The following MAEA variants were observed in gnomAD, a reference collection of about 807,000 sequenced individuals.
MAEA encodes the protein E3 ubiquitin-protein transferase MAEA.
Under a neutral mutation model 46.2 loss-of-function variants are expected in MAEA, and 22 were observed. That is an observed-to-expected ratio of 0.48 (90% CI 0.34 to 0.68). The LOEUF (loss-of-function observed/expected upper bound fraction) is 0.68, where lower values mean the gene tolerates loss of function less well. Among genes scored for constraint, MAEA ranks in the 30% least tolerant of loss-of-function variants. The probability of loss-of-function intolerance (pLI) is 0.01; values close to 1 mark genes in which losing one functional copy is unlikely to be tolerated. For synonymous variants in MAEA, 246 were observed against 222.6 expected (o/e 1.11, Z -0.94); for missense variants, 393 against 558.1 (o/e 0.70, Z 2.98).
chr4:1,316,061 G>A (rs1737123151), intron 3 of MAEA, among the ~76,000 whole-genome samples: 2 of 152,030 alleles, frequency 1.3e-5, no homozygotes, highest in Admixed American at 1.3e-4. Flanking sequence ...TGTGGTGTCT[G>A]CACACATCCT....
At chr4:1,322,622 G>A in intron 4 of MAEA, 119 bp downstream of exon 4, 1 of 1,391,768 alleles carries the variant, frequency 7.2e-7, no homozygotes, top group Non-Finnish European at 9.7e-7. Flanking sequence ...TTTGTAAGGT[G>A]GGGGTTGGGT....
chr4:1,304,751 T>C (rs973596783), intron 1 of MAEA, among the ~76,000 whole-genome samples: 1 of 151,874 alleles, frequency 6.6e-6, no homozygotes, highest in East Asian at 1.9e-4. Flanking sequence ...TGGTAATTTA[T>C]GTTAAGTGTT....
At chr4:1,326,738 T>C (rs1350877276) in intron 4 of MAEA, among the ~76,000 whole-genome samples, 1 of 151,642 alleles carries the variant, frequency 6.6e-6, no homozygotes, top group Non-Finnish European at 1.5e-5. Flanking sequence ...CCCCTTGGCC[T>C]CACAGCCACC....
At position 1,312,593 on chromosome 4, in the gene MAEA, C is replaced by T. The variant is rs890220868; in HGVS notation, c.252+432C>T. ...TACAGGCGCCCACCACCACGCCCGTCTAATTTTTGTATTGTTAGTAGAGAC... is the reference window on the plus strand; with the variant it reads ...TACAGGCGCCCACCACCACGCCCGTTTAATTTTTGTATTGTTAGTAGAGAC... On this transcript the variant is annotated intron_variant, in intron 2 of 8. Transcript: ENST00000303400. The T allele has an allele frequency of 2.5e-4, 45 of 180,404 alleles. 1 individual carries two copies. The highest frequency in any genetic ancestry group is 3.9e-4 in the Non-Finnish European group (33 of 84,302). The allele number at this position is 180,404 out of a possible 1,614,324, so 11.2% of individuals were successfully genotyped here. A position where few individuals can be genotyped will look rare whatever the true frequency, so the allele number is the denominator to read the frequency against.
intron 1 of MAEA, among the ~76,000 whole-genome samples, chr4:1,294,813 G>T (rs1373583244): frequency 3.1e-4 from 44 of 142,544 alleles, no homozygotes; most frequent in African/African-American, 9.0e-4. Flanking sequence ...GGGGCCGGGG[G>T]CAGGGGCAGG....
At chr4:1,338,313 G>A (rs760858733) in intron 7 of MAEA, 109 bp from the exon 8 acceptor site, 145 of 811,520 alleles carry the variant, frequency 1.8e-4, no homozygotes, top group Admixed American at 7.8e-4. Flanking sequence ...TCAGCATGGC[G>A]CCCACATAGC....
chr4:1,306,696 T>G (rs1457181151), intron 1 of MAEA, among the ~76,000 whole-genome samples: 4 of 152,216 alleles, frequency 2.6e-5, no homozygotes, highest in Admixed American at 1.3e-4. Context: ...GTTTTAATTT[T>G]GATAAGGTTC....
chr4:1,329,483 C>T (rs1739264741), intron 5 of MAEA: 2 of 985,358 alleles, frequency 2.0e-6, no homozygotes, highest in Middle Eastern at 5.2e-4. Context: ...GTCCTTCCTC[C>T]CGCAAGCAGA....
At chr4:1,316,088 C>A (rs1026205181) in intron 3 of MAEA, among the ~76,000 whole-genome samples, 2 of 152,032 alleles carry the variant, frequency 1.3e-5, no homozygotes, top group African/African-American at 2.4e-5. Context: ...GATTTTCCCG[C>A]CCGATACCTG....
intron 4 of MAEA, among the ~76,000 whole-genome samples, chr4:1,326,411 G>A (rs1332437133): frequency 1.3e-5 from 2 of 152,206 alleles, no homozygotes; most frequent in Non-Finnish European, 2.9e-5. Context: ...AAGATCTTAC[G>A]GTTTAGACGG....
At chr4:1,299,172 C>T (rs1486426995) in intron 1 of MAEA, among the ~76,000 whole-genome samples, 1 of 152,230 alleles carries the variant, frequency 6.6e-6, no homozygotes, top group African/African-American at 2.4e-5. Context: ...AGCCACCATG[C>T]CCAGCTCCTT....
chr4:1,329,713 G>A, intron 5 of MAEA: 2 of 985,858 alleles, frequency 2.0e-6, no homozygotes, highest in Non-Finnish European at 2.4e-6. Flanking sequence ...GGTGGCAGGT[G>A]GGGCATCGGC....
intron 3 of MAEA, among the ~76,000 whole-genome samples, chr4:1,317,364 GGACTCATCTGCAGGCC>G (rs1737418775): frequency 8.1e-6 from 1 of 124,112 alleles, no homozygotes; most frequent in African/African-American, 3.4e-5. Context: ...CCCACACTCC[GGACTCATCTGCAGGCC>G]CCACACTCCG....
intron 7 of MAEA, 41 bp from the exon 8 acceptor site, chr4:1,338,381 G>A: frequency 6.4e-7 from 1 of 1,551,640 alleles, no homozygotes; most frequent in South Asian, 1.1e-5. Context: ...CACCCCGGCT[G>A]CCCTGAGTGG....
rs1443821927 is a variant in MAEA, at chr4:1,339,643, G to A, written c.*474G>A. ...GACCTGCAGTGACCCGCGATGCCGC[G>A]CCACGAGGGACACTTATGGCTTCAT... On this transcript the variant is annotated 3_prime_UTR_variant, in exon 9 of 9. Transcript: ENST00000303400. 79 of 159,176 alleles carry A rather than the reference G, an allele frequency of 5.0e-4. 3 individuals are homozygous for A. Among genetic ancestry groups the A allele is most frequent in the Non-Finnish European group, 2.8e-5 (2 of 72,368 alleles). 9.9% of individuals were successfully genotyped at this position (159,176 alleles called of 1,614,324 possible).
intron 3 of MAEA, among the ~76,000 whole-genome samples, chr4:1,318,179 G>A (rs1481852924): frequency 5.4e-5 from 8 of 149,270 alleles, no homozygotes; most frequent in Non-Finnish European, 7.4e-5. Flanking sequence ...GCGGCCCCCC[G>A]TGTGTTCATA....
At chr4:1,312,834 C>T (rs1021420956) in intron 2 of MAEA, among the ~76,000 whole-genome samples, 1 of 152,188 alleles carries the variant, frequency 6.6e-6, no homozygotes, top group African/African-American at 2.4e-5. Context: ...CCACTGAAGA[C>T]ACCCAGAAAG....
chr4:1,325,388 G>C (rs567455852), intron 4 of MAEA, among the ~76,000 whole-genome samples: 1 of 152,246 alleles, frequency 6.6e-6, no homozygotes, highest in African/African-American at 2.4e-5. Context: ...CACGCCGTAT[G>C]GGACAGTGTA....
At chr4:1,320,264 C>G (rs893591287) in intron 3 of MAEA, among the ~76,000 whole-genome samples, 1 of 148,012 alleles carries the variant, frequency 6.8e-6, no homozygotes, top group African/African-American at 2.5e-5. Flanking sequence ...TGCAAGAAAA[C>G]TCTATGACGG....
Sources: gnomAD v4.1 joint callset for allele counts (sites outside exome capture counted in the v4.1 genomes callset) on GRCh38, gnomAD v4.1.1 for gene constraint, MANE v1.5 for transcripts, NCBI Gene and HGNC (gene_info 2026-07-23, HGNC 2026-07-21) for gene names.